Variants in ACP7 observed in about 807,000 individuals in gnomAD.
ACP7 encodes acid phosphatase type 7.
A neutral mutation model predicts 60.6 loss-of-function variants in ACP7; 58 were observed. The ratio of observed to expected loss-of-function variants is 0.96; its 90% confidence interval spans 0.77 to 1.19. The LOEUF is 1.19. Ranked by LOEUF, ACP7 falls within the 50% of genes most tolerant of loss-of-function variation. The pLI is 0.00. For missense variants in ACP7, 574 were observed against 596.2 expected (o/e 0.96, Z 0.39); for synonymous variants, 237 against 232.6 (o/e 1.02, Z -0.17).
chr19:39,088,535 T>C (rs2073169225), intron 2 of ACP7, among the ~76,000 whole-genome samples: 1 of 152,192 alleles, frequency 6.6e-6, no homozygotes, highest in Non-Finnish European at 1.5e-5. Flanking sequence ...ACAGTAACAA[T>C]GGCAAATACA....
intron 11 of ACP7, among the ~76,000 whole-genome samples, 193 bp downstream of exon 11, chr19:39,101,730 C>T (rs1252436383): frequency 6.6e-5 from 10 of 152,050 alleles, no homozygotes; most frequent in Admixed American, 6.6e-4. Flanking sequence ...AAAATACTTG[C>T]TCAAAGTCGC....
At chr19:39,086,010 A>G (rs1205444329) in intron 2 of ACP7, among the ~76,000 whole-genome samples, 1 of 152,114 alleles carries the variant, frequency 6.6e-6, no homozygotes, top group African/African-American at 2.4e-5. Context: ...TGAGGTGTAA[A>G]TGAGTTGCTA....
intron 2 of ACP7, among the ~76,000 whole-genome samples, chr19:39,093,164 T>TTC (rs2073226134): frequency 7.8e-6 from 1 of 128,270 alleles, no homozygotes; most frequent in African/African-American, 3.1e-5. Context: ...TTCTCTTTCT[T>TTC]TCTTTCTCTC....
chr19:39,086,643 G>C (rs573385891), intron 2 of ACP7, among the ~76,000 whole-genome samples: 6 of 118,872 alleles, frequency 5.0e-5, no homozygotes, highest in South Asian at 2.5e-4. Flanking sequence ...AAAAAAAAAG[G>C]GGGGGGGGAG....
At chr19:39,088,002 T>G (rs2073164270) in intron 2 of ACP7, among the ~76,000 whole-genome samples, 1 of 152,076 alleles carries the variant, frequency 6.6e-6, no homozygotes, top group Admixed American at 6.6e-5. Context: ...TTTTCATGTC[T>G]TTTACATCTT....
At chr19:39,091,563 C>T (rs762082449) in intron 2 of ACP7, among the ~76,000 whole-genome samples, 5 of 152,166 alleles carry the variant, frequency 3.3e-5, no homozygotes, top group Non-Finnish European at 7.3e-5. Context: ...TCAACAAACA[C>T]AGCGAGGCAA....
At position 39,098,487 on chromosome 19, in the gene ACP7, A is replaced by T. The variant is rs1186101986; in HGVS notation, c.151A>T (p.Thr51Ser). Residue 51 changes from threonine (T) to serine (S), a missense_variant, in exon 3 of 13, where the codon ACC (threonine) becomes TCC (serine). Thr to Ser is a moderately conservative substitution (Grantham distance 58). Coordinates refer to ENST00000331256, the MANE Select transcript of ACP7 (RefSeq NM_001004318.3). Reference protein sequence around the residue: ...GEPGSMTVTWTTWVPTRSEVQ... With the variant: ...GEPGSMTVTWSTWVPTRSEVQ... ...GCCAGGCTCCATGACTGTAACTTGGACCACATGGGTCCCAACCCGCTCTGA... is the reference window on the plus strand; with the variant it reads ...GCCAGGCTCCATGACTGTAACTTGGTCCACATGGGTCCCAACCCGCTCTGA... 6 of 1,590,444 alleles carry T rather than the reference A, an allele frequency of 3.8e-6. No individual in the cohort carries two copies. The highest frequency in any genetic ancestry group is 4.3e-6 in the Non-Finnish European group (5 of 1,168,798).
chr19:39,103,740 A>C (rs1183448000), intron 11 of ACP7, among the ~76,000 whole-genome samples: 3 of 151,942 alleles, frequency 2.0e-5, no homozygotes, highest in African/African-American at 2.4e-5. Flanking sequence ...AAATGGGAGG[A>C]TCATTTGAGC....
At chr19:39,086,405 G>A (rs552819051) in intron 2 of ACP7, among the ~76,000 whole-genome samples, 3 of 152,210 alleles carry the variant, frequency 2.0e-5, no homozygotes, top group Admixed American at 6.5e-5. Context: ...TGAGGTGGGT[G>A]GATCACTTGA....
intron 11 of ACP7, among the ~76,000 whole-genome samples, chr19:39,103,516 T>A (rs1024566176): frequency 4.0e-5 from 6 of 150,936 alleles, no homozygotes; most frequent in Non-Finnish European, 7.4e-5. Flanking sequence ...CTTAGTTTTT[T>A]AATTTTTTAA....
Position 39,106,962 on chromosome 19 carries a change from C to A in ACP7, c.1129C>A (p.Leu377Met), listed in dbSNP as rs1428523970. 1.2e-6 allele frequency: 2 copies of A among 1,613,954 alleles called. No individual in the cohort carries two copies. The highest frequency in any genetic ancestry group is 1.7e-6 in the Non-Finnish European group (2 of 1,179,968). ...ITGSAGCEER[L>M]TPFAVFPRPW... The stretch of plus-strand genomic sequence containing the variant: ...CCCGCCCCAGGGCTGTGAGGAGCGG[C>A]TGACGCCCTTTGCTGTCTTCCCGAG... The change falls in exon 12 of 13, where the codon CTG (leucine) becomes ATG (methionine). Residue 377 changes from leucine (L) to methionine (M), a missense_variant. Transcript: ENST00000331256.
intron 3 of ACP7, 114 bp downstream of exon 3, chr19:39,098,772 T>C (rs2073302080): frequency 1.5e-6 from 2 of 1,357,276 alleles, no homozygotes; most frequent in East Asian, 2.4e-5. Context: ...CCACTGCCTA[T>C]CTGCAAGCCT....
intron 11 of ACP7, among the ~76,000 whole-genome samples, chr19:39,105,351 C>T (rs1457721097): frequency 6.6e-6 from 1 of 152,016 alleles, no homozygotes; most frequent in Non-Finnish European, 1.5e-5. Context: ...ATTCTCTACT[C>T]TTTCTTCATT....
rs1600264926 is a variant in ACP7 at position 39,100,114 on chromosome 19, GC to G, written c.506-111del. 2.8e-6 allele frequency: 4 copies of G among 1,434,552 alleles called. No individual in the cohort carries two copies. In the East Asian group the frequency reaches 9.3e-5, roughly 33 times the overall value. 88.9% of individuals were successfully genotyped at this position (1,434,552 alleles called of 1,614,324 possible). On this transcript the variant is annotated intron_variant, in intron 4 of 12. Transcript: ENST00000331256. ...GGGCTCAAGTGATACTCTTGCCTTGGCCTCCCGAAGCGCTGGGATTAACAGG... is the reference window on the plus strand; with the variant it reads ...GGGCTCAAGTGATACTCTTGCCTTGGCTCCCGAAGCGCTGGGATTAACAGG...
chr19:39,085,514 C>T, intron 2 of ACP7, 124 bp downstream of exon 2: 1 of 1,281,448 alleles, frequency 7.8e-7, no homozygotes. Context: ...CCTGAGCCTC[C>T]ATCATCCACC....
intron 2 of ACP7, among the ~76,000 whole-genome samples, 183 bp from the exon 3 acceptor site, chr19:39,098,275 A>AAAAG (rs1555768112): frequency 7.1e-5 from 9 of 126,676 alleles, no homozygotes; most frequent in South Asian, 2.6e-4. Flanking sequence ...AAAAAAAAAA[A>AAAAG]AAAAGAAAAG....
Position 39,101,353 on chromosome 19 carries a change from C to T in ACP7, c.1039C>T (p.Gln347Ter). The change falls in exon 10 of 13, where the codon CAG (glutamine) becomes TAG (stop). Residue 347 changes from glutamine (Q) to a stop codon, truncating the protein, a stop_gained and splice_region_variant. Coordinates refer to ENST00000331256, the MANE Select transcript of ACP7 (RefSeq NM_001004318.3). LOFTEE classifies it high-confidence loss of function. ...YERLWPIYNYQVFNGSREMPY... is the reference protein window; with the variant it reads ...YERLWPIYNY Reference sequence around the variant, plus strand: ...ACGACTGTGGCCAATTTACAACTACCAGGTGAGGCACGTGAAGGGCTGAGC... The same window carrying T: ...ACGACTGTGGCCAATTTACAACTACTAGGTGAGGCACGTGAAGGGCTGAGC... 6.2e-7 allele frequency: 1 copy of T among 1,614,154 alleles called. No homozygotes were observed.
intron 2 of ACP7, among the ~76,000 whole-genome samples, chr19:39,089,268 A>G (rs915569614): frequency 2.0e-5 from 3 of 151,568 alleles, no homozygotes; most frequent in Non-Finnish European, 4.4e-5. Flanking sequence ...GGGTTTCACC[A>G]TGTTGGGCAG....
chr19:39,100,088 T>G, intron 4 of ACP7, 139 bp from the exon 5 acceptor site: 1 of 1,243,950 alleles, frequency 8.0e-7, no homozygotes, highest in East Asian at 2.5e-5. Context: ...TTTGAATTCC[T>G]GGGCTCAAGT....
Sources: allele counts gnomAD v4.1 joint callset (sites outside exome capture counted in the v4.1 genomes callset), GRCh38; gene constraint gnomAD v4.1.1; transcripts MANE v1.5; gene names NCBI Gene and HGNC (gene_info 2026-07-23, HGNC 2026-07-21).